The following CCDC60 variants were observed in gnomAD, a reference collection of about 807,000 sequenced individuals.
The protein encoded by CCDC60 is coiled-coil domain-containing protein 60.
A neutral mutation model predicts 63.5 loss-of-function variants in CCDC60; 54 were observed. The observed-to-expected ratio is 0.85, with a 90% confidence interval of 0.68 to 1.07. CCDC60 has a LOEUF of 1.07. Ranked by LOEUF, CCDC60 falls within the 50% of genes least tolerant of loss-of-function variation. The pLI is 0.00. For synonymous variants in CCDC60, 206 were observed against 238.8 expected (o/e 0.86, Z 1.27); for missense variants, 651 against 684.3 (o/e 0.95, Z 0.54).
At chr12:119,411,208 G>A (rs1411792454) in intron 1 of CCDC60, among the ~76,000 whole-genome samples, 1 of 152,156 alleles carries the variant, frequency 6.6e-6, no homozygotes, top group Admixed American at 6.5e-5. Context: ...CCTAAGGGGA[G>A]GTGTGCTTAG....
At chr12:119,418,458 A>G (rs1305254905) in intron 1 of CCDC60, among the ~76,000 whole-genome samples, 6 of 121,364 alleles carry the variant, frequency 4.9e-5, no homozygotes, top group Middle Eastern at 6.4e-3. Context: ...TCTGTTCCCC[A>G]GGCTGGAGTG....
At chr12:119,467,836 C>T (rs890837047) in intron 2 of CCDC60, among the ~76,000 whole-genome samples, 3 of 152,328 alleles carry the variant, frequency 2.0e-5, no homozygotes, top group East Asian at 1.9e-4. Flanking sequence ...AGGTTGCAAA[C>T]GCTAACGGTT....
chr12:119,502,568 C>T (rs1566046430), intron 6 of CCDC60, among the ~76,000 whole-genome samples: 1 of 152,186 alleles, frequency 6.6e-6, no homozygotes, highest in Non-Finnish European at 1.5e-5. Context: ...TATTTTTCTG[C>T]CAGTTTCAAT....
At chr12:119,343,806 C>T (rs1004149743) in intron 1 of CCDC60, among the ~76,000 whole-genome samples, 1 of 151,812 alleles carries the variant, frequency 6.6e-6, no homozygotes, top group Non-Finnish European at 1.5e-5. Context: ...TGAGCCAAAC[C>T]TAGAACTCAT....
intron 1 of CCDC60, among the ~76,000 whole-genome samples, chr12:119,396,992 T>C (rs775350822): frequency 2.0e-5 from 3 of 152,226 alleles, no homozygotes; most frequent in Non-Finnish European, 2.9e-5. Flanking sequence ...TTCTAGTGGG[T>C]TCGTGGTCTC....
chr12:119,381,617 C>G (rs146087499), intron 1 of CCDC60, among the ~76,000 whole-genome samples: 693 of 152,300 alleles, frequency 4.6e-3, no homozygotes, highest in Non-Finnish European at 7.0e-3. Flanking sequence ...CACCAGGCAC[C>G]AAACTGACAG....
At chr12:119,486,625 T>C (rs950733404) in intron 4 of CCDC60, among the ~76,000 whole-genome samples, 2 of 152,162 alleles carry the variant, frequency 1.3e-5, no homozygotes, top group African/African-American at 4.8e-5. Flanking sequence ...AGGAAAAGAC[T>C]CCAGGGAAGA....
chr12:119,451,762 G>A (rs1950639880), intron 2 of CCDC60, among the ~76,000 whole-genome samples: 1 of 152,132 alleles, frequency 6.6e-6, no homozygotes, highest in Non-Finnish European at 1.5e-5. Context: ...TAAATGAATT[G>A]CATTCAAAAT....
At chr12:119,455,126 G>A (rs902477824) in intron 2 of CCDC60, among the ~76,000 whole-genome samples, 1 of 150,208 alleles carries the variant, frequency 6.7e-6, no homozygotes, top group Non-Finnish European at 1.5e-5. Context: ...GGTGGTTGTT[G>A]TTTGATTTTG....
chr12:119,515,867 T>C (rs1287098870), intron 7 of CCDC60, among the ~76,000 whole-genome samples: 2 of 152,190 alleles, frequency 1.3e-5, no homozygotes, highest in Admixed American at 1.3e-4. Flanking sequence ...AACACATTTG[T>C]AAGCTGAATT....
intron 1 of CCDC60, among the ~76,000 whole-genome samples, chr12:119,373,243 A>G (rs769507497): frequency 1.3e-5 from 2 of 152,200 alleles, no homozygotes; most frequent in Non-Finnish European, 2.9e-5. Context: ...CCTTACAGTC[A>G]TAAAATGCCT....
chr12:119,372,914 C>A (rs1046437599), intron 1 of CCDC60, among the ~76,000 whole-genome samples: 2 of 152,032 alleles, frequency 1.3e-5, no homozygotes, highest in South Asian at 2.1e-4. Context: ...AGCATAATGT[C>A]GTGGATATTA....
chr12:119,366,131 C>T (rs1490556956), intron 1 of CCDC60, among the ~76,000 whole-genome samples: 1 of 152,102 alleles, frequency 6.6e-6, no homozygotes, highest in Non-Finnish European at 1.5e-5. Flanking sequence ...CTCAAACAAC[C>T]ACAGGGTAGA....
intron 1 of CCDC60, among the ~76,000 whole-genome samples, chr12:119,403,692 C>T (rs1956435840): frequency 6.6e-6 from 1 of 151,988 alleles, no homozygotes; most frequent in Admixed American, 6.6e-5. Context: ...TGTTCCTCAC[C>T]CCTCCCCTCC....
intron 1 of CCDC60, among the ~76,000 whole-genome samples, chr12:119,424,127 C>T (rs991726379): frequency 3.9e-5 from 6 of 152,152 alleles, no homozygotes; most frequent in African/African-American, 4.8e-5. Context: ...TTACTTCCAG[C>T]TTGTTATATT....
At chr12:119,475,182 CTT>C (rs1951148888) in intron 3 of CCDC60, among the ~76,000 whole-genome samples, 1 of 152,200 alleles carries the variant, frequency 6.6e-6, no homozygotes, top group Admixed American at 6.5e-5. Context: ...GACTGGCAGC[CTT>C]TCCCTGGAAT....
chr12:119,452,821 T>TTG (rs111227779), intron 2 of CCDC60, among the ~76,000 whole-genome samples: 6,081 of 151,976 alleles, frequency 0.04, 372 homozygotes, highest in African/African-American at 0.13. Context: ...CTTGTTTTTT[T>TTG]TTTGTTTGTT....
At chr12:119,400,197 C>T (rs576790351) in intron 1 of CCDC60, among the ~76,000 whole-genome samples, 70 of 152,184 alleles carry the variant, frequency 4.6e-4, no homozygotes, top group Middle Eastern at 3.4e-3. Context: ...CTACAGGCGC[C>T]AGCCACCACG....
intron 5 of CCDC60, among the ~76,000 whole-genome samples, chr12:119,490,361 A>T (rs538601056): frequency 3.9e-5 from 6 of 152,148 alleles, no homozygotes; most frequent in Non-Finnish European, 7.4e-5. Context: ...ATTTTTTTTT[A>T]AATAGAAACC....
Sources: gnomAD v4.1 joint callset for allele counts (sites outside exome capture counted in the v4.1 genomes callset) on GRCh38, gnomAD v4.1.1 for gene constraint, MANE v1.5 for transcripts, NCBI Gene and HGNC (gene_info 2026-07-23, HGNC 2026-07-21) for gene names.